CLEC2A: variants seen among roughly 807,000 people sequenced by gnomAD.
CLEC2A encodes C-type lectin domain family 2 member A, also known as keratinocyte-associated C-type lectin.
Under a neutral mutation model 18.6 loss-of-function variants are expected in CLEC2A, and 19 were observed. The ratio of observed to expected loss-of-function variants is 1.02; its 90% CI spans 0.71 to 1.50. The LOEUF is 1.50. Among genes scored for constraint, CLEC2A ranks in the 40% most tolerant of loss-of-function variants. The pLI is 0.00. For missense variants in CLEC2A, 190 were observed against 207.9 expected (o/e 0.91, Z 0.53); for synonymous variants, 74 against 64.0 (o/e 1.16, Z -0.75).
chr12:9,904,903 C>G (rs1862885724), intron 4 of CLEC2A, among the ~76,000 whole-genome samples: 1 of 152,158 alleles, frequency 6.6e-6, no homozygotes, highest in African/African-American at 2.4e-5. Context: ...AAACATCTGT[C>G]CAGTCACCAC....
At chr12:9,904,132 T>A (rs1462966258) in intron 4 of CLEC2A, among the ~76,000 whole-genome samples, 1 of 152,218 alleles carries the variant, frequency 6.6e-6, no homozygotes, top group Non-Finnish European at 1.5e-5. Flanking sequence ...CTCCCAGAAA[T>A]GCTAAGTTTT....
the CLEC2A span, among the ~76,000 whole-genome samples, chr12:9,882,118 C>CA: frequency 6.6e-6 from 1 of 151,374 alleles, no homozygotes; most frequent in East Asian, 1.9e-4. Flanking sequence ...GAAAAAAAAA[C>CA]AAAAAAACAT....
rs1234363182 is a variant in CLEC2A, at chr12:9,930,264, G to A, written c.55+2011C>T. ...CCCAACCTACCGACCTAATTTTAAC[G>A]TGGTAAAGACACTATCTCCAAACCA... On this transcript the variant is annotated intron_variant, in intron 1 of 4. Transcript: ENST00000455827. 5.3e-5 allele frequency among the ~76,000 whole-genome samples: 8 copies of A among 152,096 alleles called. No homozygotes were observed. The East Asian group carries it at 9.6e-4, about 18-fold the overall frequency.
downstream of CLEC2A, among the ~76,000 whole-genome samples, chr12:9,912,996 C>CT (rs1165359927): frequency 1.3e-5 from 2 of 152,180 alleles, no homozygotes; most frequent in Admixed American, 6.5e-5. Flanking sequence ...ACTAATGCAA[C>CT]AAGGCAGCTT....
downstream of CLEC2A, among the ~76,000 whole-genome samples, chr12:9,894,729 T>C (rs550836221): frequency 1.1e-4 from 16 of 152,328 alleles, no homozygotes; most frequent in East Asian, 2.9e-3. Flanking sequence ...CCTGGATACA[T>C]CTATTCTACA....
the CLEC2A span, chr12:9,893,040 A>G: frequency 4.6e-6 from 7 of 1,535,664 alleles, no homozygotes; most frequent in East Asian, 2.4e-5. Flanking sequence ...CTTGTGCCCA[A>G]ATGACTGGCT....
At chr12:9,911,666 C>T (rs562377749), downstream of CLEC2A, among the ~76,000 whole-genome samples, 10 of 152,258 alleles carry the variant, frequency 6.6e-5, no homozygotes, top group African/African-American at 1.9e-4. Flanking sequence ...CTTTTATCTT[C>T]CCCTTAAAAA....
downstream of CLEC2A, chr12:9,895,945 C>A: frequency 9.9e-7 from 1 of 1,013,760 alleles, no homozygotes; most frequent in Non-Finnish European, 1.3e-6. Flanking sequence ...CAGACATCAT[C>A]TAAATAGGAG....
At chr12:9,878,025 G>A in the CLEC2A span, among the ~76,000 whole-genome samples, 1 of 151,938 alleles carries the variant, frequency 6.6e-6, no homozygotes, top group Admixed American at 6.6e-5. Flanking sequence ...TTAAAAATGT[G>A]TCTATAATCA....
chr12:9,891,819 T>C, the CLEC2A span, among the ~76,000 whole-genome samples: 1 of 152,202 alleles, frequency 6.6e-6, no homozygotes. Context: ...GGTTACTTTT[T>C]TAATCTTAGC....
At chr12:9,883,586 T>TA in the CLEC2A span, among the ~76,000 whole-genome samples, 1 of 152,238 alleles carries the variant, frequency 6.6e-6, no homozygotes, top group African/African-American at 2.4e-5. Flanking sequence ...CAGATCCATA[T>TA]ACCCTTGATT....
At chr12:9,907,488 G>A (rs112014144) in intron 4 of CLEC2A, among the ~76,000 whole-genome samples, 5 of 152,058 alleles carry the variant, frequency 3.3e-5, no homozygotes, top group Non-Finnish European at 2.9e-5. Context: ...CTACTTGTTC[G>A]GGTCCCATCC....
At chr12:9,918,824 G>T (rs1402949919) in intron 3 of CLEC2A, among the ~76,000 whole-genome samples, 1 of 152,128 alleles carries the variant, frequency 6.6e-6, no homozygotes, top group African/African-American at 2.4e-5. Context: ...TCTGCAGTGG[G>T]TGTCAATTTA....
intron 3 of CLEC2A, among the ~76,000 whole-genome samples, chr12:9,921,645 T>C (rs1386552145): frequency 6.6e-6 from 1 of 152,174 alleles, no homozygotes; most frequent in East Asian, 1.9e-4. Context: ...ACTAGTAGCC[T>C]GCTGTTGACT....
the CLEC2A span, among the ~76,000 whole-genome samples, chr12:9,891,094 G>T: frequency 6.8e-6 from 1 of 146,530 alleles, no homozygotes. Flanking sequence ...GGTCATGGTT[G>T]GGCACAATTT....
intron 3 of CLEC2A, among the ~76,000 whole-genome samples, chr12:9,918,216 C>T (rs577334536): frequency 5.9e-5 from 9 of 151,890 alleles, no homozygotes; most frequent in African/African-American, 1.9e-4. Context: ...TTCTTCCAGT[C>T]TTTTTATAGT....
At chr12:9,894,820 G>GA (rs1862738806), downstream of CLEC2A, among the ~76,000 whole-genome samples, 1 of 151,208 alleles carries the variant, frequency 6.6e-6, no homozygotes, top group Non-Finnish European at 1.5e-5. Flanking sequence ...TGCAATATTT[G>GA]AAAAAAAGTA....
At chr12:9,893,059 A>G in the CLEC2A span, 1 of 1,535,844 alleles carries the variant, frequency 6.5e-7, no homozygotes, top group Non-Finnish European at 8.7e-7. Flanking sequence ...CTGTTGAACG[A>G]AGGGAAATGT....
the CLEC2A span, among the ~76,000 whole-genome samples, chr12:9,878,986 T>C: frequency 6.6e-6 from 1 of 152,094 alleles, no homozygotes; most frequent in Non-Finnish European, 1.5e-5. Flanking sequence ...TATTGGGAGA[T>C]GCTACAGCGG....
Sources: allele counts gnomAD v4.1 joint callset (sites outside exome capture counted in the v4.1 genomes callset), GRCh38; gene constraint gnomAD v4.1.1; transcripts MANE v1.5; gene names NCBI Gene and HGNC (gene_info 2026-07-23, HGNC 2026-07-21).